PAPPA2: variants seen among roughly 807,000 people sequenced by gnomAD.
PAPPA2 encodes pappalysin 2.
PAPPA2 carries 86 observed loss-of-function variants against 176.4 expected under a neutral mutation model. The observed-to-expected ratio is 0.49, with a 90% CI of 0.41 to 0.58. PAPPA2 has a LOEUF of 0.58. PAPPA2 is among the 20% of genes least tolerant of loss of function. The pLI is 0.00. For synonymous variants in PAPPA2, 809 were observed against 852.2 expected (o/e 0.95, Z 0.88); for missense variants, 2,073 against 2,256.9 (o/e 0.92, Z 1.65).
In PAPPA2 at chr1:176,595,289, A is replaced by G; in HGVS notation, c.1685A>G (p.Asn562Ser). Reference protein sequence around the residue: ...EALNEAFSRYNISWQLSVHQV... With the variant: ...EALNEAFSRYSISWQLSVHQV... The stretch of plus-strand genomic sequence containing the variant: ...CTGAATGAGGCCTTCAGCCGCTACA[A>G]CATCAGCTGGCAGCTGAGCGTCCAC... The change falls in exon 3 of 23, where the codon AAC becomes AGC. Residue 562 changes from asparagine (N) to serine (S), a missense_variant. Physicochemically the swap from Asn to Ser is conservative, Grantham distance 46 (BLOSUM62 1). This residue lies in a region of PAPPA2 where 1,196 missense variants were observed against 1,330.4 expected (regional missense o/e 0.90). Transcript: ENST00000367662. 4 of 1,614,154 alleles carry G rather than the reference A, an allele frequency of 2.5e-6. No homozygotes were observed. The highest frequency in any genetic ancestry group is 2.5e-6 in the Non-Finnish European group (3 of 1,180,030).
chr1:176,623,335 T>A (rs919962199), intron 3 of PAPPA2, among the ~76,000 whole-genome samples: 9 of 152,198 alleles, frequency 5.9e-5, no homozygotes, highest in African/African-American at 2.2e-4. Flanking sequence ...AGGTGAAACA[T>A]TCCATGTGTG....
intron 1 of PAPPA2, among the ~76,000 whole-genome samples, chr1:176,552,716 G>T (rs1236154878): frequency 6.6e-6 from 1 of 152,162 alleles, no homozygotes; most frequent in Non-Finnish European, 1.5e-5. Flanking sequence ...CTCCTGCTGT[G>T]TGTCCTTAAA....
At chr1:176,769,829 C>A in intron 16 of PAPPA2, 45 bp downstream of exon 16, 1 of 1,531,432 alleles carries the variant, frequency 6.5e-7, no homozygotes, top group East Asian at 2.3e-5. Context: ...TCTCTGCCAT[C>A]CCTCGCTCTT....
intron 14 of PAPPA2, among the ~76,000 whole-genome samples, chr1:176,747,652 T>A (rs753372436): frequency 3.3e-5 from 5 of 152,240 alleles, no homozygotes; most frequent in Non-Finnish European, 5.9e-5. Flanking sequence ...AGTTTTCTAA[T>A]GTTGTATAAT....
At chr1:176,626,933 G>A (rs1455652380) in intron 3 of PAPPA2, among the ~76,000 whole-genome samples, 2 of 145,806 alleles carry the variant, frequency 1.4e-5, no homozygotes, top group African/African-American at 2.5e-5. Context: ...ATGTTGTCCA[G>A]GCTGGTTTCA....
At chr1:176,765,522 A>G (rs1424086845) in intron 14 of PAPPA2, 144 bp from the exon 15 acceptor site, 1 of 729,268 alleles carries the variant, frequency 1.4e-6, no homozygotes, top group Non-Finnish European at 2.3e-6. Flanking sequence ...GGTAGTAGAG[A>G]AAAAAGGTGA....
chr1:176,612,186 G>A (rs1031227015), intron 3 of PAPPA2, among the ~76,000 whole-genome samples: 11 of 152,092 alleles, frequency 7.2e-5, no homozygotes, highest in African/African-American at 2.7e-4. Flanking sequence ...ATGAGACCAG[G>A]CGTTTGAGAC....
chr1:176,801,137 C>T (rs935252089), intron 21 of PAPPA2, among the ~76,000 whole-genome samples: 1 of 151,734 alleles, frequency 6.6e-6, no homozygotes, highest in African/African-American at 2.4e-5. Context: ...TTTAAGCCCT[C>T]CCAACCTAAG....
chr1:176,760,926 A>G (rs1663669583), intron 14 of PAPPA2, among the ~76,000 whole-genome samples: 1 of 151,988 alleles, frequency 6.6e-6, no homozygotes, highest in Non-Finnish European at 1.5e-5. Context: ...GGTTCATGCC[A>G]TTCTCCTGTC....
At chr1:176,527,044 T>G (rs1293631051) in intron 1 of PAPPA2, among the ~76,000 whole-genome samples, 1 of 152,206 alleles carries the variant, frequency 6.6e-6, no homozygotes, top group East Asian at 1.9e-4. Flanking sequence ...ACTCCTGGGC[T>G]CAAGCAATTC....
At chr1:176,611,003 C>T (rs375877162) in intron 3 of PAPPA2, among the ~76,000 whole-genome samples, 1 of 152,298 alleles carries the variant, frequency 6.6e-6, no homozygotes, top group South Asian at 2.1e-4. Flanking sequence ...CTTTAATTAT[C>T]TTTAGCCCCC....
chr1:176,479,215 C>T (rs115067948), intron 1 of PAPPA2, among the ~76,000 whole-genome samples: 5,446 of 152,226 alleles, frequency 0.036, 145 homozygotes, highest in African/African-American at 0.066. Flanking sequence ...AACTAGTAAA[C>T]GAATTAAAGC....
At position 176,769,767 on chromosome 1, in the gene PAPPA2, C is replaced by T. The variant is rs1664140780; in HGVS notation, c.4484C>T (p.Pro1495Leu). The T allele has an allele frequency of 6.2e-7, 1 of 1,607,564 alleles. No homozygotes were observed. The highest frequency in any genetic ancestry group is 1.1e-5 in the South Asian group (1 of 89,610). The change falls in exon 16 of 23, where the codon CCA (proline) becomes CTA (leucine). Residue 1495 changes from proline (P) to leucine (L), a missense_variant. Physicochemically the swap from Pro to Leu is moderately conservative, Grantham distance 98. Around this residue, in one of 4 missense-constraint regions of PAPPA2, gnomAD observed 846 missense variants for 857.9 expected, o/e 0.99. Coordinates refer to ENST00000367662, the MANE Select transcript of PAPPA2 (RefSeq NM_020318.3). ...AAACGCTGCTCAATCTCTTGTGTCCCACCAGCCAAGCTGCAAGGTATTGTC... is the reference window on the plus strand; with the variant it reads ...AAACGCTGCTCAATCTCTTGTGTCCTACCAGCCAAGCTGCAAGGTATTGTC... ...FLKRCSISCV[P>L]PAKLQGLSPW...
In PAPPA2 at chr1:176,594,817, T is replaced by C. The variant is rs752076051; in HGVS notation, c.1213T>C (p.Ser405Pro). The C allele has an allele frequency of 1.3e-5, 21 of 1,614,230 alleles. No homozygotes were observed. Among genetic ancestry groups the C allele is most frequent in the Non-Finnish European group, 1.8e-5 (21 of 1,180,044 alleles). ...LNSPFMASCR[S>P]LLLGGDSSED... Reference sequence around the variant, plus strand: ...CAGCCCCTTCATGGCATCTTGCCGCTCTTTGCTCCTGGGGGGAGACAGCTC... The same window carrying C: ...CAGCCCCTTCATGGCATCTTGCCGCCCTTTGCTCCTGGGGGGAGACAGCTC... Residue 405 changes from serine (S) to proline (P), a missense_variant, in exon 3 of 23, where the codon TCT becomes CCT. Physicochemically the swap from Ser to Pro is moderately conservative, Grantham distance 74. Coordinates refer to ENST00000367662, the MANE Select transcript of PAPPA2 (RefSeq NM_020318.3).
chr1:176,544,675 C>T (rs1406224933), intron 1 of PAPPA2, among the ~76,000 whole-genome samples: 1 of 152,110 alleles, frequency 6.6e-6, no homozygotes, highest in African/African-American at 2.4e-5. Flanking sequence ...AGTGCAGATC[C>T]CACAAGTTAA....
At chr1:176,753,919 C>T (rs994946889) in intron 14 of PAPPA2, among the ~76,000 whole-genome samples, 2 of 151,862 alleles carry the variant, frequency 1.3e-5, no homozygotes, top group Non-Finnish European at 2.9e-5. Flanking sequence ...GGAAAACCCA[C>T]TAGAGAGGAT....
rs527559993 is a variant in PAPPA2, at chr1:176,661,685, T to C, written c.1992-9285T>C. 2.0e-5 allele frequency among the ~76,000 whole-genome samples: 3 copies of C among 151,986 alleles called. No individual in the cohort carries two copies. The East Asian group carries it at 5.8e-4, about 30-fold the overall frequency. The stretch of plus-strand genomic sequence containing the variant: ...GAGAAGGAAGGCGGTCATCTCCCAG[T>C]CACCTTTTAACTCTAACATGAAGAA... On this transcript the variant is annotated intron_variant, in intron 3 of 22. Coordinates refer to ENST00000367662, the MANE Select transcript of PAPPA2 (RefSeq NM_020318.3).
rs949171317 is a variant in PAPPA2, at chr1:176,595,124, T to C, written c.1520T>C (p.Val507Ala). 1 of 1,613,982 alleles carries C rather than the reference T, an allele frequency of 6.2e-7. No homozygotes were observed. Among genetic ancestry groups the C allele is most frequent in the African/African-American group, 1.3e-5 (1 of 74,902 alleles). ...PLCGQTVCDN[V>A]ELISQYNGYW... Reference sequence around the variant, plus strand: ...TGTGGGCAAACAGTCTGTGACAATGTGGAATTGATCTCCCAGTACAATGGA... The same window carrying C: ...TGTGGGCAAACAGTCTGTGACAATGCGGAATTGATCTCCCAGTACAATGGA... Residue 507 changes from valine to alanine, a missense_variant, in exon 3 of 23, where the codon GTG (valine) becomes GCG (alanine). Physicochemically the swap from Val to Ala is moderately conservative, Grantham distance 64 (BLOSUM62 0). Around this residue, in one of 4 missense-constraint regions of PAPPA2, gnomAD observed 1,196 missense variants for 1,330.4 expected, o/e 0.90. Coordinates refer to ENST00000367662, the MANE Select transcript of PAPPA2 (RefSeq NM_020318.3).
At chr1:176,829,748 G>T (rs1292002656) in intron 21 of PAPPA2, among the ~76,000 whole-genome samples, 2 of 152,184 alleles carry the variant, frequency 1.3e-5, no homozygotes, top group African/African-American at 4.8e-5. Context: ...TCCAGACAGA[G>T]CATGTACCGC....
Sources: gnomAD v4.1 joint callset for allele counts (sites outside exome capture counted in the v4.1 genomes callset) on GRCh38, gnomAD v4.1.1 for gene constraint, gnomAD v4.1.1 regional missense constraint, MANE v1.5 for transcripts, NCBI Gene and HGNC (gene_info 2026-07-23, HGNC 2026-07-21) for gene names.